MDGA2: variants seen among roughly 807,000 people sequenced by gnomAD.
MDGA2 encodes MAM domain-containing glycosylphosphatidylinositol anchor protein 2.
A neutral mutation model predicts 117.8 loss-of-function variants in MDGA2; 40 were observed. The observed-to-expected ratio is 0.34, with a 90% confidence interval of 0.26 to 0.44. The LOEUF (loss-of-function observed/expected upper bound fraction) is 0.44. Among genes scored for constraint, MDGA2 ranks in the 20% least tolerant of loss-of-function variants. MDGA2 has a pLI of 1.00. For missense variants in MDGA2, 1,123 were observed against 1,250.6 expected (o/e 0.90, Z 1.54); for synonymous variants, 452 against 439.0 (o/e 1.03, Z -0.37).
At chr14:47,418,105 C>T (rs556942177) in intron 1 of MDGA2, among the ~76,000 whole-genome samples, 39 of 152,208 alleles carry the variant, frequency 2.6e-4, no homozygotes, top group Non-Finnish European at 5.0e-4. Context: ...GAGATGGAGT[C>T]TTGCTGTGTC....
At chr14:47,451,316 G>C (rs1318938655) in intron 1 of MDGA2, among the ~76,000 whole-genome samples, 1 of 152,004 alleles carries the variant, frequency 6.6e-6, no homozygotes. Flanking sequence ...TCTGTGGAAG[G>C]AATGAAGTGA....
chr14:47,180,379 C>T (rs1313199088), intron 3 of MDGA2, among the ~76,000 whole-genome samples: 2 of 152,068 alleles, frequency 1.3e-5, no homozygotes. Context: ...AGCTTCTGCA[C>T]AGCAAAAGAA....
intron 9 of MDGA2, among the ~76,000 whole-genome samples, chr14:46,925,201 C>T (rs1287046842): frequency 1.3e-5 from 2 of 152,140 alleles, no homozygotes; most frequent in African/African-American, 4.8e-5. Flanking sequence ...ACTTAAAGCG[C>T]AGAGAATTCC....
chr14:47,170,994 T>C (rs887333535), intron 3 of MDGA2, among the ~76,000 whole-genome samples: 2 of 152,170 alleles, frequency 1.3e-5, no homozygotes, highest in Non-Finnish European at 2.9e-5. Context: ...AAAGATGGGA[T>C]GTCTGACACA....
intron 2 of MDGA2, among the ~76,000 whole-genome samples, chr14:47,233,525 T>C (rs1886758547): frequency 1.3e-5 from 2 of 152,122 alleles, no homozygotes; most frequent in African/African-American, 4.8e-5. Context: ...GTCATTTTCT[T>C]AAGGATATCT....
rs745987382 is a variant in MDGA2, at chr14:47,245,540, G to T, written c.421-27345C>A. On this transcript the variant is annotated intron_variant, in intron 2 of 16. Transcript: ENST00000399232. ...ATTAATTCATGATATGGAGTTAGAAGGGTAGAATAAAGGACTTCAAAGTGC... is the reference window on the plus strand; with the variant it reads ...ATTAATTCATGATATGGAGTTAGAATGGTAGAATAAAGGACTTCAAAGTGC... Among the ~76,000 whole-genome samples, 34 of 151,704 alleles carry T rather than the reference G, an allele frequency of 2.2e-4. 2 individuals are homozygous for T. In the Middle Eastern group the frequency reaches 0.014, roughly 61 times the overall value.
intron 8 of MDGA2, among the ~76,000 whole-genome samples, chr14:47,027,822 C>T (rs1888530162): frequency 1.3e-5 from 2 of 151,814 alleles, no homozygotes; most frequent in East Asian, 1.9e-4. Context: ...GTATATTCAT[C>T]CTAGAAACAT....
intron 1 of MDGA2, among the ~76,000 whole-genome samples, chr14:47,654,824 T>C (rs911785235): frequency 6.6e-6 from 1 of 152,224 alleles, no homozygotes; most frequent in East Asian, 1.9e-4. Flanking sequence ...GAGGCAGATT[T>C]AGCCAATAAG....
chr14:47,177,604 AACACATGGAC>A (rs1884524772), intron 3 of MDGA2, among the ~76,000 whole-genome samples: 1 of 152,142 alleles, frequency 6.6e-6, no homozygotes, highest in South Asian at 2.1e-4. Flanking sequence ...GAACAATGAG[AACACATGGAC>A]ACAGGAAGGG....
At chr14:47,126,382 C>T (rs548697174) in intron 5 of MDGA2, among the ~76,000 whole-genome samples, 9 of 152,066 alleles carry the variant, frequency 5.9e-5, no homozygotes, top group Non-Finnish European at 8.8e-5. Flanking sequence ...ATTCTATGAA[C>T]TGTCTTGATA....
chr14:47,418,743 T>A (rs1892522535), intron 1 of MDGA2, among the ~76,000 whole-genome samples: 1 of 152,182 alleles, frequency 6.6e-6, no homozygotes. Context: ...TGCAATTTAC[T>A]TCCTTACTTC....
At chr14:47,108,191 G>A (rs1418166778) in intron 5 of MDGA2, among the ~76,000 whole-genome samples, 1 of 152,120 alleles carries the variant, frequency 6.6e-6, no homozygotes, top group Non-Finnish European at 1.5e-5. Context: ...ATTCAGGCCT[G>A]TCCTCGGAAT....
chr14:46,891,038 G>T (rs535144359), intron 10 of MDGA2, among the ~76,000 whole-genome samples: 1 of 152,030 alleles, frequency 6.6e-6, no homozygotes, highest in East Asian at 1.9e-4. Context: ...CTGAAGTGAA[G>T]ATGAAAACAA....
intron 8 of MDGA2, among the ~76,000 whole-genome samples, chr14:46,969,482 G>T (rs1412416559): frequency 3.3e-5 from 5 of 152,112 alleles, no homozygotes; most frequent in Non-Finnish European, 7.3e-5. Context: ...GTTTTGATTT[G>T]CATTTCTCTG....
chr14:47,511,792 C>T (rs919336125), intron 1 of MDGA2, among the ~76,000 whole-genome samples: 5 of 152,088 alleles, frequency 3.3e-5, no homozygotes, highest in African/African-American at 1.2e-4. Flanking sequence ...ACTGGTAAAG[C>T]AGCCAGTTCA....
At chr14:47,278,706 G>A (rs1023812125) in intron 2 of MDGA2, among the ~76,000 whole-genome samples, 2 of 152,152 alleles carry the variant, frequency 1.3e-5, no homozygotes, top group African/African-American at 4.8e-5. Context: ...GTATGGAATA[G>A]ATAATATACG....
chr14:47,503,317 A>T (rs935476777), intron 1 of MDGA2, among the ~76,000 whole-genome samples: 25 of 152,178 alleles, frequency 1.6e-4, no homozygotes, highest in Admixed American at 1.3e-4. Context: ...TCATAAAAAA[A>T]AAAAGGCATA....
intron 1 of MDGA2, among the ~76,000 whole-genome samples, chr14:47,501,041 A>T (rs1894388712): frequency 1.3e-5 from 2 of 152,130 alleles, no homozygotes; most frequent in African/African-American, 4.8e-5. Flanking sequence ...CCCTGAAACC[A>T]CCGATGAATT....
intron 1 of MDGA2, among the ~76,000 whole-genome samples, chr14:47,540,563 T>TATACACACAC (rs370481455): frequency 2.2e-4 from 25 of 112,526 alleles, no homozygotes; most frequent in African/African-American, 7.0e-4. Flanking sequence ...TGTATATATA[T>TATACACACAC]ACACACACAC....
Sources: gnomAD v4.1 joint callset for allele counts (sites outside exome capture counted in the v4.1 genomes callset) on GRCh38, gnomAD v4.1.1 for gene constraint, MANE v1.5 for transcripts, NCBI Gene and HGNC (gene_info 2026-07-23, HGNC 2026-07-21) for gene names.